Variants in RBFOX1 observed in about 807,000 individuals in gnomAD.
The protein encoded by RBFOX1 is RNA binding fox-1 homolog 1.
A neutral mutation model predicts 57.7 loss-of-function variants in RBFOX1; 8 were observed. The ratio of observed to expected loss-of-function variants is 0.14; its 90% CI spans 0.08 to 0.25. The LOEUF (loss-of-function observed/expected upper bound fraction) is 0.25, where lower values mean the gene tolerates loss of function less well. RBFOX1 is among the 10% of genes least tolerant of loss of function. The pLI is 1.00. For synonymous variants in RBFOX1, 326 were observed against 222.4 expected (o/e 1.47, Z -4.15); for missense variants, 611 against 548.5 (o/e 1.11, Z -1.14).
intron 2 of RBFOX1, among the ~76,000 whole-genome samples, chr16:6,495,366 C>A (rs1364434769): frequency 2.0e-5 from 3 of 151,406 alleles, no homozygotes; most frequent in Non-Finnish European, 4.4e-5. Flanking sequence ...TGATCCACCG[C>A]CCCCCGCCCC....
At chr16:5,303,138 C>A (rs1259907595) in intron 1 of RBFOX1, among the ~76,000 whole-genome samples, 1 of 152,152 alleles carries the variant, frequency 6.6e-6, no homozygotes, top group Admixed American at 6.5e-5. Context: ...ATTTATGATT[C>A]AGGAATACAG....
intron 3 of RBFOX1, among the ~76,000 whole-genome samples, chr16:7,019,695 G>C (rs543062813): frequency 3.9e-5 from 6 of 152,298 alleles, no homozygotes; most frequent in East Asian, 3.9e-4. Context: ...AAAAAAGTAA[G>C]GAAGTGAATC....
chr16:6,242,916 T>A (rs2097547746), intron 1 of RBFOX1, among the ~76,000 whole-genome samples: 1 of 152,178 alleles, frequency 6.6e-6, no homozygotes, highest in Non-Finnish European at 1.5e-5. Flanking sequence ...GTGTATACAC[T>A]TCAAAAGATG....
rs529637176 is a variant in RBFOX1, at chr16:6,093,902, G to T, written c.-127+73910G>T. Among the ~76,000 whole-genome samples the T allele has an allele frequency of 3.9e-5, 6 of 152,180 alleles. 1 individual carries two copies. In the South Asian group the frequency reaches 6.2e-4, roughly 16 times the overall value. ...CCCAAAGTTCTGAGATTACAGACTGGAGCCCCTGTGCCCTGCCTGTATATT... is the reference window on the plus strand; with the variant it reads ...CCCAAAGTTCTGAGATTACAGACTGTAGCCCCTGTGCCCTGCCTGTATATT... On this transcript the variant is annotated intron_variant, in intron 1 of 15. Transcript: ENST00000550418.
At chr16:7,248,930 C>T (rs750439819) in intron 4 of RBFOX1, among the ~76,000 whole-genome samples, 3 of 152,144 alleles carry the variant, frequency 2.0e-5, no homozygotes, top group South Asian at 2.1e-4. Flanking sequence ...CCAAGAAAGG[C>T]GGGTAGCACC....
intron 10 of RBFOX1, among the ~76,000 whole-genome samples, chr16:7,618,455 T>G (rs1406519660): frequency 6.6e-6 from 1 of 152,208 alleles, no homozygotes; most frequent in Non-Finnish European, 1.5e-5. Context: ...CAAAGGCTAT[T>G]GTGAAACTTA....
intron 3 of RBFOX1, among the ~76,000 whole-genome samples, chr16:5,693,030 G>A (rs570741839): frequency 2.0e-5 from 3 of 152,296 alleles, no homozygotes; most frequent in Non-Finnish European, 4.4e-5. Context: ...GATGTCAACT[G>A]AAGGTGTTTT....
At chr16:7,405,099 T>G (rs1374288661) in intron 4 of RBFOX1, among the ~76,000 whole-genome samples, 3 of 152,200 alleles carry the variant, frequency 2.0e-5, no homozygotes, top group Non-Finnish European at 4.4e-5. Flanking sequence ...GCAGGGTGAT[T>G]CTTGAGAGCT....
intron 3 of RBFOX1, among the ~76,000 whole-genome samples, chr16:7,039,406 G>A (rs539472312): frequency 1.7e-4 from 26 of 152,312 alleles, no homozygotes; most frequent in Admixed American, 1.3e-3. Flanking sequence ...GGAGAGCTGG[G>A]TGTGTTCTCC....
chr16:5,986,952 G>A (rs2060297681), intron 4 of RBFOX1, among the ~76,000 whole-genome samples: 1 of 152,196 alleles, frequency 6.6e-6, no homozygotes, highest in Non-Finnish European at 1.5e-5. Flanking sequence ...CTGATACACT[G>A]TTTCCTAGAG....
intron 3 of RBFOX1, among the ~76,000 whole-genome samples, chr16:7,019,290 A>T: frequency 6.6e-6 from 1 of 152,088 alleles, no homozygotes; most frequent in Non-Finnish European, 1.5e-5. Context: ...GATTTGGAAA[A>T]TGCTGATGTT....
intron 3 of RBFOX1, among the ~76,000 whole-genome samples, chr16:7,049,343 G>C (rs184159110): frequency 6.6e-6 from 1 of 152,268 alleles, no homozygotes; most frequent in Admixed American, 6.5e-5. Flanking sequence ...CACAGTCCTA[G>C]ATGTTAAGTG....
intron 4 of RBFOX1, among the ~76,000 whole-genome samples, chr16:7,210,942 TAGAA>T (rs1481275530): frequency 1.3e-5 from 2 of 151,564 alleles, no homozygotes; most frequent in African/African-American, 4.9e-5. Context: ...AATATAAAAA[TAGAA>T]AGGAGGGAAG....
chr16:5,999,773 A>G (rs575817343), intron 4 of RBFOX1, among the ~76,000 whole-genome samples: 51 of 148,514 alleles, frequency 3.4e-4, no homozygotes, highest in African/African-American at 1.2e-3. Context: ...AGGCAGGAGA[A>G]TGGCGTGAAC....
downstream of RBFOX1, among the ~76,000 whole-genome samples, chr16:5,602,882 T>C (rs192533406): frequency 1.3e-4 from 20 of 152,330 alleles, 1 homozygote; most frequent in East Asian, 3.9e-3. Flanking sequence ...TGTTCTGGAC[T>C]GTTAAGAAGG....
At chr16:5,617,828 A>T (rs762987383) in intron 3 of RBFOX1, among the ~76,000 whole-genome samples, 4 of 152,176 alleles carry the variant, frequency 2.6e-5, no homozygotes, top group Non-Finnish European at 4.4e-5. Flanking sequence ...AGAAGAATAG[A>T]TGATGAGAGT....
At chr16:6,841,233 G>T (rs72768812) in intron 3 of RBFOX1, among the ~76,000 whole-genome samples, 3 of 152,090 alleles carry the variant, frequency 2.0e-5, no homozygotes, top group African/African-American at 4.8e-5. Flanking sequence ...ATAATGGTCA[G>T]TTATCCTGCC....
intron 3 of RBFOX1, among the ~76,000 whole-genome samples, chr16:6,924,302 T>C (rs530437267): frequency 2.0e-5 from 3 of 152,202 alleles, no homozygotes; most frequent in African/African-American, 7.2e-5. Flanking sequence ...CTGCTTCTGG[T>C]GAGGCCTCAG....
At chr16:5,250,514 C>G (rs1311944543) in intron 1 of RBFOX1, among the ~76,000 whole-genome samples, 2 of 152,226 alleles carry the variant, frequency 1.3e-5, no homozygotes, top group African/African-American at 4.8e-5. Flanking sequence ...TGAGTGAGAA[C>G]ACACAGTGTT....
Sources: allele counts gnomAD v4.1 joint callset (sites outside exome capture counted in the v4.1 genomes callset), GRCh38; gene constraint gnomAD v4.1.1; transcripts MANE v1.5; gene names NCBI Gene and HGNC (gene_info 2026-07-23, HGNC 2026-07-21).